SGTB: variants seen among roughly 807,000 people sequenced by gnomAD.
SGTB encodes small glutamine rich tetratricopeptide repeat co-chaperone beta.
Under a neutral mutation model 43.9 loss-of-function variants are expected in SGTB, and 19 were observed. The observed-to-expected ratio is 0.43, with a 90% CI of 0.30 to 0.63. The LOEUF (loss-of-function observed/expected upper bound fraction) is 0.63. SGTB is among the 30% of genes least tolerant of loss of function. The probability of loss-of-function intolerance (pLI) is 0.12; values close to 1 mark genes in which losing one functional copy is unlikely to be tolerated. For missense variants in SGTB, 304 were observed against 358.9 expected, an observed-to-expected ratio of 0.85 and a Z score of 1.24; for synonymous variants, 116 against 117.3, an observed-to-expected ratio of 0.99 and a Z score of 0.07.
At chr5:65,674,866 C>A (rs893296186) in intron 8 of SGTB, among the ~76,000 whole-genome samples, 2 of 152,002 alleles carry the variant, frequency 1.3e-5, no homozygotes, top group African/African-American at 2.4e-5. Context: ...CATGTATTTG[C>A]TAGCATGGTA....
chr5:65,712,582 C>A lies in SGTB; in HGVS notation c.204+379G>T, dbSNP rs535494685. 4.6e-5 allele frequency among the ~76,000 whole-genome samples: 7 copies of A among 152,240 alleles called. No individual in the cohort carries two copies. In the South Asian group the frequency reaches 1.5e-3, roughly 32 times the overall value. On this transcript the variant is annotated intron_variant, in intron 3 of 10. Coordinates refer to ENST00000381007, the MANE Select transcript of SGTB (RefSeq NM_019072.3). ...CATTTCTGCATGGCTGCTTCCTAGA[C>A]ATTAAAACTTTTTAAACCTGTATTC...
chr5:65,691,452 G>C (rs141803717), intron 5 of SGTB, among the ~76,000 whole-genome samples: 2 of 151,768 alleles, frequency 1.3e-5, no homozygotes, highest in Non-Finnish European at 2.9e-5. Flanking sequence ...AGACAGTCTT[G>C]CTCTGTCTCC....
rs951542235 is a variant in SGTB, at chr5:65,722,100, G to A, written c.-206C>T. ...CACCAGGCTGTGCTCTCTCTCAGGC[G>A]GCAGGGTCTGGCCAGCACCGCCCCT... On this transcript the variant is annotated 5_prime_UTR_variant, in exon 1 of 11. Transcript: ENST00000381007. The A allele has an allele frequency of 5.8e-6, 1 of 172,958 alleles. No homozygotes were observed. The highest frequency in any genetic ancestry group is 1.2e-5 in the Non-Finnish European group (1 of 82,090). The allele number at this position is 172,958 out of a possible 1,614,324, so 10.7% of individuals were successfully genotyped here. A position where few individuals can be genotyped will look rare whatever the true frequency, so the allele number is the denominator to read the frequency against.
At chr5:65,670,721 G>A (rs1757138747) in intron 10 of SGTB, among the ~76,000 whole-genome samples, 1 of 152,220 alleles carries the variant, frequency 6.6e-6, no homozygotes. Flanking sequence ...ATAACACCCA[G>A]TTTGGGATGC....
At chr5:65,672,963 C>T (rs550342726) in intron 8 of SGTB, among the ~76,000 whole-genome samples, 1 of 152,272 alleles carries the variant, frequency 6.6e-6, no homozygotes, top group South Asian at 2.1e-4. Context: ...AGGATTGGTG[C>T]CTCTGAGCCA....
chr5:65,673,538 A>C (rs1757199991), intron 8 of SGTB, among the ~76,000 whole-genome samples: 1 of 152,052 alleles, frequency 6.6e-6, no homozygotes, highest in Non-Finnish European at 1.5e-5. Context: ...CCTCAAGAGA[A>C]TCTAACGCTC....
rs1453153918 is a variant in SGTB at position 65,667,328 on chromosome 5, T to C, written c.*2918A>G. The stretch of plus-strand genomic sequence containing the variant: ...CAGCTAGAAGCTTATCTTATTGCTC[T>C]AAAAGCATTTTTAATGCACTCAAGA... On this transcript the variant is annotated 3_prime_UTR_variant, in exon 11 of 11. Coordinates refer to ENST00000381007, the MANE Select transcript of SGTB (RefSeq NM_019072.3). 1 of 152,236 alleles carries C rather than the reference T, an allele frequency of 6.6e-6. No individual in the cohort carries two copies. Among genetic ancestry groups the C allele is most frequent in the Non-Finnish European group, 1.5e-5 (1 of 68,038 alleles). The allele number at this position is 152,236 out of a possible 1,614,324, so 9.4% of individuals were successfully genotyped here. A position where few individuals can be genotyped will look rare whatever the true frequency, so the allele number is the denominator to read the frequency against.
chr5:65,677,772 C>A (rs929217151), intron 8 of SGTB, among the ~76,000 whole-genome samples: 4 of 152,126 alleles, frequency 2.6e-5, no homozygotes, highest in African/African-American at 9.7e-5. Context: ...GCTGAAGAGG[C>A]CTTCAAGAAA....
At chr5:65,691,897 C>T (rs1351651092) in intron 5 of SGTB, among the ~76,000 whole-genome samples, 9 of 150,236 alleles carry the variant, frequency 6.0e-5, no homozygotes, top group African/African-American at 2.4e-5. Context: ...CGCCACTGCA[C>T]CCCAGCCTGG....
chr5:65,670,446 C>T (rs1401814757), intron 10 of SGTB, 89 bp from the exon 11 acceptor site: 2 of 1,018,600 alleles, frequency 2.0e-6, no homozygotes, highest in African/African-American at 1.6e-5. Flanking sequence ...TAGGAGCTAC[C>T]TAAAGGGGGC....
At chr5:65,692,514 A>G (rs1055385870) in intron 5 of SGTB, among the ~76,000 whole-genome samples, 3 of 152,204 alleles carry the variant, frequency 2.0e-5, no homozygotes, top group Admixed American at 1.3e-4. Flanking sequence ...ACTTAAATTT[A>G]ATCATGAGGA....
At chr5:65,713,124 T>G in intron 2 of SGTB, 60 bp from the exon 3 acceptor site, 1 of 1,287,704 alleles carries the variant, frequency 7.8e-7, no homozygotes, top group South Asian at 1.3e-5. Context: ...AACAAGTTTT[T>G]TTTTTCTGAT....
At chr5:65,716,761 A>G (rs1457565926) in intron 2 of SGTB, among the ~76,000 whole-genome samples, 1 of 152,180 alleles carries the variant, frequency 6.6e-6, no homozygotes, top group Non-Finnish European at 1.5e-5. Context: ...TCTAGTAGGT[A>G]CTTGGATATA....
At chr5:65,717,336 T>G (rs1309983979) in intron 2 of SGTB, among the ~76,000 whole-genome samples, 4 of 152,132 alleles carry the variant, frequency 2.6e-5, no homozygotes, top group African/African-American at 4.8e-5. Flanking sequence ...TTTGCTTTTT[T>G]GAAGAAGGGA....
intron 3 of SGTB, among the ~76,000 whole-genome samples, chr5:65,712,189 G>C (rs1041842211): frequency 1.1e-4 from 16 of 152,188 alleles, no homozygotes; most frequent in African/African-American, 3.9e-4. Context: ...ATTGAGGACT[G>C]CTTGAGCCCA....
intron 4 of SGTB, among the ~76,000 whole-genome samples, chr5:65,705,034 T>C (rs928041764): frequency 1.3e-5 from 2 of 152,232 alleles, no homozygotes; most frequent in Admixed American, 1.3e-4. Flanking sequence ...CAGATACATC[T>C]GGCAGTAATT....
intron 5 of SGTB, among the ~76,000 whole-genome samples, chr5:65,702,017 T>C (rs1018684577): frequency 8.5e-5 from 13 of 152,262 alleles, no homozygotes; most frequent in African/African-American, 1.2e-4. Flanking sequence ...CAACAGCCAC[T>C]GTGGCTAGTG....
At chr5:65,702,547 C>T (rs1757845202) in intron 5 of SGTB, among the ~76,000 whole-genome samples, 1 of 152,086 alleles carries the variant, frequency 6.6e-6, no homozygotes, top group Non-Finnish European at 1.5e-5. Context: ...AGAAAGAAGT[C>T]TGGGGTCAAA....
chr5:65,702,693 C>A (rs1166559685), intron 5 of SGTB, among the ~76,000 whole-genome samples: 1 of 152,182 alleles, frequency 6.6e-6, no homozygotes, highest in Non-Finnish European at 1.5e-5. Flanking sequence ...AAGGTTCCAC[C>A]TCCAAATACC....
Sources: allele counts gnomAD v4.1 joint callset (sites outside exome capture counted in the v4.1 genomes callset), GRCh38; gene constraint gnomAD v4.1.1; transcripts MANE v1.5; gene names NCBI Gene and HGNC (gene_info 2026-07-23, HGNC 2026-07-21).